The following PCDH11X variants were observed in gnomAD, a reference collection of about 807,000 sequenced individuals.
PCDH11X encodes protocadherin 11 X-linked.
Under a neutral mutation model 53.3 loss-of-function variants are expected in PCDH11X, and 18 were observed. That is an observed-to-expected ratio of 0.34 (90% confidence interval 0.23 to 0.50). PCDH11X has a LOEUF of 0.50. Among genes scored for constraint, PCDH11X ranks in the 20% least tolerant of loss-of-function variants. The probability of loss-of-function intolerance (pLI) is 0.98; values close to 1 mark genes in which losing one functional copy is unlikely to be tolerated. For synonymous variants in PCDH11X, 279 were observed against 393.3 expected (o/e 0.71, Z 3.44); for missense variants, 570 against 1,032.4 (o/e 0.55, Z 6.14).
At chrX:92,550,567 A>C (rs5942297) in intron 10 of PCDH11X, among the ~76,000 whole-genome samples, 44,405 of 107,935 alleles carry the variant, frequency 0.41, 6,906 homozygotes, top group Non-Finnish European at 0.47. Flanking sequence ...TCAAGTATTT[A>C]TCCTTTATGT....
chrX:92,267,439 G>A (rs1159034725), intron 8 of PCDH11X, among the ~76,000 whole-genome samples: 1 of 112,351 alleles, frequency 8.9e-6, no homozygotes, highest in Non-Finnish European at 1.9e-5. Flanking sequence ...AGCTATAGTA[G>A]CAAAGCAAGT....
intron 9 of PCDH11X, among the ~76,000 whole-genome samples, chrX:92,442,136 C>T (rs2072529038): frequency 9.0e-6 from 1 of 111,469 alleles, no homozygotes; most frequent in African/African-American, 3.3e-5. Flanking sequence ...CCTGTTCCCC[C>T]ATTGTATCTA....
At chrX:92,295,739 T>TTGTGTG (rs58402010) in intron 8 of PCDH11X, among the ~76,000 whole-genome samples, 27 of 71,550 alleles carry the variant, frequency 3.8e-4, no homozygotes, top group East Asian at 1.2e-3. Context: ...ACAGGTGTGT[T>TTGTGTG]TGTGTGTGTG....
At position 92,114,608 on chromosome X, in the gene PCDH11X, T is replaced by A. The variant is rs773866160; in HGVS notation, c.3034-86767T>A. On this transcript the variant is annotated intron_variant, in intron 6 of 10. Transcript: ENST00000682573. ...ACTTTCCTAAAGGCAAAGATCAAAG[T>A]CTTTCAAGGTTCTTTATATCCCAAT... 3.3e-5 allele frequency: 13 copies of A among 389,633 alleles called. No homozygotes were observed. In the East Asian group the frequency reaches 4.0e-4, roughly 12 times the overall value. 32.1% of individuals were successfully genotyped at this position (389,633 alleles called of 1,213,427 possible).
intron 9 of PCDH11X, among the ~76,000 whole-genome samples, chrX:92,420,884 G>A (rs1203079116): frequency 9.0e-6 from 1 of 110,633 alleles, no homozygotes; most frequent in Non-Finnish European, 1.9e-5. Context: ...TTTTTTTATG[G>A]AGCAATCACT....
intron 8 of PCDH11X, among the ~76,000 whole-genome samples, chrX:92,306,468 A>T (rs1269028887): frequency 9.1e-6 from 1 of 109,663 alleles, no homozygotes; most frequent in Non-Finnish European, 1.9e-5. Flanking sequence ...AAAGATCAAC[A>T]AAATTGACAA....
chrX:92,023,577 A>G (rs1229574363), intron 6 of PCDH11X, among the ~76,000 whole-genome samples: 1 of 109,269 alleles, frequency 9.2e-6, no homozygotes, highest in Non-Finnish European at 1.9e-5. Context: ...ACTGAATTCT[A>G]CCAGAGTTAC....
intron 10 of PCDH11X, among the ~76,000 whole-genome samples, chrX:92,484,084 C>CTG (rs1214708230): frequency 4.6e-5 from 3 of 64,980 alleles, no homozygotes; most frequent in East Asian, 2.2e-3. Flanking sequence ...TAAAGAAAAT[C>CTG]TCTGTGTGTG....
chrX:92,574,856 T>C (rs1922638404), intron 10 of PCDH11X, among the ~76,000 whole-genome samples: 1 of 111,046 alleles, frequency 9.0e-6, no homozygotes. Flanking sequence ...CAAAAAATAC[T>C]GTGTGTTTGG....
chrX:92,519,042 G>A (rs2148714296), intron 10 of PCDH11X, among the ~76,000 whole-genome samples: 1 of 110,486 alleles, frequency 9.1e-6, no homozygotes, highest in East Asian at 2.9e-4. Flanking sequence ...AATTTTTTAA[G>A]TTCTGATTCT....
intron 6 of PCDH11X, among the ~76,000 whole-genome samples, chrX:91,953,569 A>C (rs1237427259): frequency 1.8e-5 from 2 of 110,566 alleles, no homozygotes; most frequent in Non-Finnish European, 3.8e-5. Context: ...GTTATTGCTA[A>C]TTCTCATTAG....
Position 91,909,613 on chromosome X carries a change from G to A in PCDH11X, c.3033+30340G>A. Reference sequence around the variant, plus strand: ...GCTAAAAATTTTTTATTTAAATTTAGCCTCTTTTAGATGCCTCCCTAGATT... The same window carrying A: ...GCTAAAAATTTTTTATTTAAATTTAACCTCTTTTAGATGCCTCCCTAGATT... On this transcript the variant is annotated intron_variant, in intron 6 of 10. Coordinates refer to ENST00000682573, the MANE Select transcript of PCDH11X (RefSeq NM_032968.5). Among the ~76,000 whole-genome samples, 3 of 106,221 alleles carry A rather than the reference G, an allele frequency of 2.8e-5. 1 individual carries two copies. The Middle Eastern group carries it at 0.014, about 508-fold the overall frequency. The allele number at this position is 106,221 out of a possible 115,157, so 92.2% of individuals were successfully genotyped here.
At chrX:92,150,360 C>A (rs1175731750) in intron 6 of PCDH11X, among the ~76,000 whole-genome samples, 3 of 109,981 alleles carry the variant, frequency 2.7e-5, no homozygotes, top group Non-Finnish European at 3.8e-5. Context: ...AGATGTCAAG[C>A]ATCTCATGGT....
chrX:91,918,848 T>A (rs1941655347), intron 6 of PCDH11X, among the ~76,000 whole-genome samples: 1 of 110,885 alleles, frequency 9.0e-6, no homozygotes, highest in African/African-American at 3.3e-5. Context: ...CCACTGGTGT[T>A]CTAGCTCTCT....
At chrX:92,132,009 C>A (rs1241852718) in intron 6 of PCDH11X, among the ~76,000 whole-genome samples, 2 of 106,666 alleles carry the variant, frequency 1.9e-5, no homozygotes, top group Non-Finnish European at 3.9e-5. Flanking sequence ...TAGTGGCTCA[C>A]GCCTATAATC....
At chrX:92,041,528 G>A (rs954527149) in intron 6 of PCDH11X, among the ~76,000 whole-genome samples, 2 of 110,792 alleles carry the variant, frequency 1.8e-5, no homozygotes, top group African/African-American at 6.5e-5. Context: ...AAACGTCAAT[G>A]TAAGGTGACA....
At chrX:92,237,193 C>T (rs185008146) in intron 7 of PCDH11X, among the ~76,000 whole-genome samples, 1 of 110,278 alleles carries the variant, frequency 9.1e-6, no homozygotes, top group African/African-American at 3.3e-5. Flanking sequence ...ATTAATATAG[C>T]AAAATATCCT....
intron 10 of PCDH11X, among the ~76,000 whole-genome samples, chrX:92,580,330 A>C (rs1399029998): frequency 9.4e-6 from 1 of 105,946 alleles, no homozygotes; most frequent in Non-Finnish European, 1.9e-5. Flanking sequence ...TCCCAGAGCC[A>C]GCAGGCAGGA....
At chrX:92,129,337 G>T (rs922245000) in intron 6 of PCDH11X, among the ~76,000 whole-genome samples, 3 of 111,256 alleles carry the variant, frequency 2.7e-5, no homozygotes, top group Non-Finnish European at 5.6e-5. Flanking sequence ...GTTGCAGTGA[G>T]CCGAGATCGT....
Sources: allele counts gnomAD v4.1 joint callset (sites outside exome capture counted in the v4.1 genomes callset), GRCh38; gene constraint gnomAD v4.1.1; transcripts MANE v1.5; gene names NCBI Gene and HGNC (gene_info 2026-07-23, HGNC 2026-07-21).